The following PTGFR variants were observed in gnomAD, a reference collection of about 807,000 sequenced individuals.
PTGFR encodes prostaglandin F receptor.
Under a neutral mutation model 26.2 loss-of-function variants are expected in PTGFR, and 15 were observed. The ratio of observed to expected loss-of-function variants is 0.57; its 90% CI spans 0.38 to 0.88. The LOEUF (loss-of-function observed/expected upper bound fraction) is 0.88. Ranked by LOEUF, PTGFR falls within the 40% of genes least tolerant of loss-of-function variation. The pLI is 0.00. For missense variants in PTGFR, 369 were observed against 427.2 expected (o/e 0.86, Z 1.20); for synonymous variants, 165 against 151.1 (o/e 1.09, Z -0.68).
chr1:78,531,958 C>T (rs1306388934), intron 2 of PTGFR, among the ~76,000 whole-genome samples: 1 of 151,890 alleles, frequency 6.6e-6, no homozygotes, highest in African/African-American at 2.4e-5. Flanking sequence ...GGAGTGGTGT[C>T]ACACATAATG....
chr1:78,502,082 A>T (rs1297677275), intron 2 of PTGFR, among the ~76,000 whole-genome samples: 1 of 152,166 alleles, frequency 6.6e-6, no homozygotes, highest in Admixed American at 6.5e-5. Flanking sequence ...GCTTCAGAAA[A>T]CTTGAACATT....
In PTGFR at chr1:78,536,708, G is replaced by C; in HGVS notation, c.*21G>C. The C allele has an allele frequency of 1.3e-6, 2 of 1,594,298 alleles. No homozygotes were observed. Among genetic ancestry groups the C allele is most frequent in the Non-Finnish European group, 1.7e-6 (2 of 1,171,526 alleles). ...CCTAGCTTAATAGGACAGTAAATCT[G>C]TGTGGGGCTAGAACAAAATTAAGAC... On this transcript the variant is annotated 3_prime_UTR_variant, in exon 3 of 3. Coordinates refer to ENST00000370757, the MANE Select transcript of PTGFR (RefSeq NM_000959.4).
intron 2 of PTGFR, among the ~76,000 whole-genome samples, chr1:78,500,641 G>A (rs1036167173): frequency 5.3e-5 from 8 of 152,214 alleles, no homozygotes; most frequent in Non-Finnish European, 1.0e-4. Flanking sequence ...TCTCTGGAAA[G>A]CTTCCTGCGT....
chr1:78,518,623 C>T (rs1005781953), intron 2 of PTGFR, among the ~76,000 whole-genome samples: 20 of 138,178 alleles, frequency 1.4e-4, no homozygotes, highest in South Asian at 4.7e-4. Context: ...CACACACATA[C>T]GCATTTATAG....
rs932169708 is a variant in PTGFR at position 78,536,864 on chromosome 1, C to A, written c.*177C>A. 14 of 723,208 alleles carry A rather than the reference C, an allele frequency of 1.9e-5. No individual in the cohort carries two copies. In the African/African-American group the frequency reaches 2.5e-4, roughly 13 times the overall value. 44.8% of individuals were successfully genotyped at this position (723,208 alleles called of 1,614,324 possible). On this transcript the variant is annotated 3_prime_UTR_variant, in exon 3 of 3. Transcript: ENST00000370757. ...TTGTCAAATAAACAGGATAACTGTA[C>A]ATTTTTCACTTGTTTTTGCCAATGG...
At chr1:78,528,555 G>A (rs530482114) in intron 2 of PTGFR, among the ~76,000 whole-genome samples, 14 of 152,100 alleles carry the variant, frequency 9.2e-5, no homozygotes, top group African/African-American at 3.1e-4. Context: ...TGTGTTCCAC[G>A]TGCCTTAATT....
intron 2 of PTGFR, among the ~76,000 whole-genome samples, chr1:78,511,660 G>T (rs2100371462): frequency 6.6e-6 from 1 of 152,314 alleles, no homozygotes; most frequent in East Asian, 1.9e-4. Context: ...TTAGCACATG[G>T]CTCCCTTTTA....
rs1165315819 is a variant in PTGFR at position 78,536,704 on chromosome 1, A to T, written c.*17A>T. ...AGCACCTAGCTTAATAGGACAGTAA[A>T]TCTGTGTGGGGCTAGAACAAAATTA... On this transcript the variant is annotated 3_prime_UTR_variant, in exon 3 of 3. Coordinates refer to ENST00000370757, the MANE Select transcript of PTGFR (RefSeq NM_000959.4). 6.2e-7 allele frequency: 1 copy of T among 1,602,850 alleles called. No homozygotes were observed. Among genetic ancestry groups the T allele is most frequent in the Admixed American group, 1.7e-5 (1 of 58,462 alleles).
intron 2 of PTGFR, among the ~76,000 whole-genome samples, chr1:78,528,490 T>C (rs1650430103): frequency 6.6e-6 from 1 of 152,074 alleles, no homozygotes; most frequent in African/African-American, 2.4e-5. Flanking sequence ...AGACTCATAT[T>C]ATGCTTTAGG....
At chr1:78,518,454 C>A (rs1377556631) in intron 2 of PTGFR, among the ~76,000 whole-genome samples, 4 of 151,718 alleles carry the variant, frequency 2.6e-5, no homozygotes, top group African/African-American at 9.7e-5. Flanking sequence ...GTTTTAGTTA[C>A]CAATTGTTCT....
intron 2 of PTGFR, among the ~76,000 whole-genome samples, chr1:78,520,903 A>G (rs1650206296): frequency 1.3e-5 from 2 of 152,026 alleles, no homozygotes; most frequent in Admixed American, 6.6e-5. Flanking sequence ...TAACCTTGTC[A>G]TTTCATAATT....
At position 78,538,894 on chromosome 1, in the gene PTGFR, C is replaced by T. The variant is rs1388210317; in HGVS notation, c.*2207C>T. The T allele has an allele frequency of 6.6e-6, 1 of 151,972 alleles. No individual in the cohort carries two copies. The highest frequency in any genetic ancestry group is 1.5e-5 in the Non-Finnish European group (1 of 67,950). 9.4% of individuals were successfully genotyped at this position (151,972 alleles called of 1,614,324 possible). A position where few individuals can be genotyped will look rare whatever the true frequency, so the allele number is the denominator to read the frequency against. ...GAATTTCCTTTTGAACTGGGTAAGG[C>T]ATTATCCAAGCAACTTCACATACTA... On this transcript the variant is annotated 3_prime_UTR_variant, in exon 3 of 3. Coordinates refer to ENST00000370757, the MANE Select transcript of PTGFR (RefSeq NM_000959.4).
intron 2 of PTGFR, among the ~76,000 whole-genome samples, chr1:78,521,196 C>T (rs771344066): frequency 9.2e-5 from 14 of 152,136 alleles, no homozygotes; most frequent in Non-Finnish European, 1.8e-4. Flanking sequence ...AAAGGAATTA[C>T]ATTCCTTTTC....
intron 2 of PTGFR, among the ~76,000 whole-genome samples, chr1:78,503,135 T>C (rs963695032): frequency 1.3e-5 from 2 of 152,078 alleles, no homozygotes; most frequent in Admixed American, 1.3e-4. Flanking sequence ...AACTCTTTAG[T>C]ATTTGGGCCA....
intron 2 of PTGFR, among the ~76,000 whole-genome samples, chr1:78,514,243 G>A (rs1557653502): frequency 6.6e-6 from 1 of 152,208 alleles, no homozygotes; most frequent in Non-Finnish European, 1.5e-5. Flanking sequence ...CAACCTGTGT[G>A]AGCAGCCACG....
chr1:78,520,070 T>C (rs181557678), intron 2 of PTGFR, among the ~76,000 whole-genome samples: 4 of 152,248 alleles, frequency 2.6e-5, no homozygotes, highest in Admixed American at 2.6e-4. Context: ...AACATGAATG[T>C]GTTTAATAAG....
intron 2 of PTGFR, among the ~76,000 whole-genome samples, chr1:78,496,204 T>C (rs894288571): frequency 1.3e-5 from 2 of 152,188 alleles, no homozygotes; most frequent in Non-Finnish European, 2.9e-5. Context: ...CTTATAAAAA[T>C]ACAGGCTTAA....
chr1:78,537,865 G>C lies in PTGFR; in HGVS notation c.*1178G>C, dbSNP rs1650696751. On this transcript the variant is annotated 3_prime_UTR_variant, in exon 3 of 3. Coordinates refer to ENST00000370757, the MANE Select transcript of PTGFR (RefSeq NM_000959.4). ...CCCCAAATTTTCCAATAATAATTGA[G>C]ACTTTTTCTTTGCTTGTTTGTGTAA... 1 of 152,088 alleles carries C rather than the reference G, an allele frequency of 6.6e-6. No individual in the cohort carries two copies. Among genetic ancestry groups the C allele is most frequent in the African/African-American group, 2.4e-5 (1 of 41,432 alleles). 9.4% of individuals were successfully genotyped at this position (152,088 alleles called of 1,614,324 possible). A position where few individuals can be genotyped will look rare whatever the true frequency, so the allele number is the denominator to read the frequency against.
intron 2 of PTGFR, among the ~76,000 whole-genome samples, chr1:78,522,139 C>T (rs1650257963): frequency 6.6e-6 from 1 of 152,152 alleles, no homozygotes; most frequent in African/African-American, 2.4e-5. Flanking sequence ...CTGACTGGCC[C>T]TCAGGTCGGG....
Sources: gnomAD v4.1 joint callset for allele counts (sites outside exome capture counted in the v4.1 genomes callset) on GRCh38, gnomAD v4.1.1 for gene constraint, MANE v1.5 for transcripts, NCBI Gene and HGNC (gene_info 2026-07-23, HGNC 2026-07-21) for gene names.